The following CALD1 variants were observed in gnomAD, a reference collection of about 807,000 sequenced individuals.
CALD1 encodes caldesmon.
CALD1 carries 33 observed loss-of-function variants against 99.9 expected under a neutral mutation model. That is an observed-to-expected ratio of 0.33 (90% CI 0.25 to 0.44). The LOEUF (loss-of-function observed/expected upper bound fraction) is 0.44. Ranked by LOEUF, CALD1 falls within the 20% of genes least tolerant of loss-of-function variation. The pLI, the probability that CALD1 is intolerant of heterozygous loss-of-function variation, is 1.00. For missense variants in CALD1, 861 were observed against 962.1 expected (o/e 0.89, Z 1.39); for synonymous variants, 310 against 325.0 (o/e 0.95, Z 0.50).
intron 1 of CALD1, among the ~76,000 whole-genome samples, chr7:134,817,749 GT>G (rs1206750177): frequency 1.3e-5 from 2 of 152,124 alleles, no homozygotes; most frequent in East Asian, 1.9e-4. Flanking sequence ...TTGGTGCAAA[GT>G]TTTTAGAAAG....
chr7:134,866,046 C>T (rs3823569), intron 2 of CALD1, among the ~76,000 whole-genome samples: 47,150 of 151,986 alleles, frequency 0.31, 8,758 homozygotes, highest in African/African-American at 0.53. Context: ...AAGAGTCTAC[C>T]CTCCCACTGC....
intron 5 of CALD1, among the ~76,000 whole-genome samples, chr7:134,934,315 G>A (rs1442668156): frequency 6.6e-6 from 1 of 152,188 alleles, no homozygotes; most frequent in Admixed American, 6.5e-5. Context: ...AGAAGACAGA[G>A]AGAAATTAAT....
intron 9 of CALD1, among the ~76,000 whole-genome samples, chr7:134,954,951 G>A (rs1027662233): frequency 6.6e-6 from 1 of 152,136 alleles, no homozygotes; most frequent in African/African-American, 2.4e-5. Flanking sequence ...CAACACTACT[G>A]AAAAGCCTTC....
chr7:134,753,515 G>A (rs1796702823), intron 1 of CALD1, among the ~76,000 whole-genome samples: 1 of 152,126 alleles, frequency 6.6e-6, no homozygotes, highest in African/African-American at 2.4e-5. Context: ...GCTCCACCTA[G>A]GAAATGTTAG....
chr7:134,762,952 T>C (rs1037920947), intron 1 of CALD1, among the ~76,000 whole-genome samples: 1 of 152,196 alleles, frequency 6.6e-6, no homozygotes, highest in Non-Finnish European at 1.5e-5. Flanking sequence ...TAACATTTTG[T>C]GTGATATTAT....
intron 14 of CALD1, 95 bp downstream of exon 14, chr7:134,965,481 C>G (rs1452933484): frequency 2.7e-6 from 2 of 738,092 alleles, no homozygotes; most frequent in Non-Finnish European, 5.0e-6. Context: ...TATCACTGAC[C>G]TACAGATCTT....
rs1803465192 is a variant in CALD1 at position 134,907,340 on chromosome 7, T to C, written c.72-21414T>C. On this transcript the variant is annotated intron_variant, in intron 3 of 14. Coordinates refer to ENST00000361675, the MANE Select transcript of CALD1 (RefSeq NM_033138.4). Reference sequence around the variant, plus strand: ...GGTGATAAGAACTAAGATCAGAGCATAGTAGAGAAAGTAGCCCTGTAAACA... The same window carrying C: ...GGTGATAAGAACTAAGATCAGAGCACAGTAGAGAAAGTAGCCCTGTAAACA... 3.3e-5 allele frequency among the ~76,000 whole-genome samples: 5 copies of C among 151,660 alleles called. No individual in the cohort carries two copies. In the South Asian group the frequency reaches 8.3e-4, roughly 25 times the overall value.
At chr7:134,823,447 A>G (rs374924798) in intron 1 of CALD1, among the ~76,000 whole-genome samples, 5 of 152,084 alleles carry the variant, frequency 3.3e-5, no homozygotes, top group East Asian at 1.9e-4. Flanking sequence ...ATTTTTCCAC[A>G]TTTTACATGG....
At position 134,765,054 on chromosome 7, in the gene CALD1, C is replaced by T. The variant is rs143788704; in HGVS notation, c.-130+20691C>T. Among the ~76,000 whole-genome samples the T allele has an allele frequency of 1.4e-3, 218 of 152,278 alleles. 1 individual carries two copies. Among genetic ancestry groups the T allele is most frequent in the African/African-American group, 5.1e-3 (211 of 41,554 alleles). The stretch of plus-strand genomic sequence containing the variant: ...AGTTCAGGCTGGGCGCGGTGGCTCA[C>T]GCCTCTGATCCCAGTATTTTGGAAG... On this transcript the variant is annotated intron_variant, in intron 1 of 13. Transcript: ENST00000417172.
chr7:134,735,080 C>A, the CALD1 span: 1 of 196,768 alleles, frequency 5.1e-6, no homozygotes, highest in Non-Finnish European at 1.1e-5. Flanking sequence ...TGGCAGAGAA[C>A]CACTCCTGAA....
intron 1 of CALD1, among the ~76,000 whole-genome samples, chr7:134,801,838 C>G (rs891991643): frequency 2.0e-5 from 3 of 152,114 alleles, no homozygotes; most frequent in African/African-American, 7.2e-5. Context: ...AGGCTGGTCT[C>G]AAACTCCTGG....
chr7:134,767,492 T>C (rs1796837913), intron 1 of CALD1, among the ~76,000 whole-genome samples: 1 of 152,236 alleles, frequency 6.6e-6, no homozygotes, highest in Admixed American at 6.5e-5. Flanking sequence ...TGTTTTCTTA[T>C]TTGCGCCCCT....
chr7:134,959,084 A>C (rs915486581), intron 11 of CALD1, among the ~76,000 whole-genome samples: 5 of 151,732 alleles, frequency 3.3e-5, no homozygotes, highest in Non-Finnish European at 7.4e-5. Context: ...AATGTGAAAT[A>C]AATACTTGTA....
At chr7:134,944,647 A>G (rs956055252) in intron 7 of CALD1, 2 of 152,196 alleles carry the variant, frequency 1.3e-5, no homozygotes, top group African/African-American at 4.8e-5. Context: ...CATGTAGTAA[A>G]TGATGTTAGG....
chr7:134,784,454 G>T (rs1797229566), intron 1 of CALD1, among the ~76,000 whole-genome samples: 1 of 152,202 alleles, frequency 6.6e-6, no homozygotes, highest in Non-Finnish European at 1.5e-5. Context: ...GGGTCAGGAG[G>T]ACCAGTCTAA....
At chr7:134,800,988 C>A (rs1417589153) in intron 1 of CALD1, among the ~76,000 whole-genome samples, 3 of 151,980 alleles carry the variant, frequency 2.0e-5, no homozygotes, top group African/African-American at 4.8e-5. Flanking sequence ...ATGTATCTAA[C>A]CTACAGTATA....
At chr7:134,954,526 C>T (rs1037891980) in intron 9 of CALD1, among the ~76,000 whole-genome samples, 7 of 152,090 alleles carry the variant, frequency 4.6e-5, no homozygotes, top group African/African-American at 7.2e-5. Context: ...CATCAGTAAA[C>T]GGACAGTGCA....
At chr7:134,935,458 C>T (rs1043980724) in intron 5 of CALD1, among the ~76,000 whole-genome samples, 1 of 152,142 alleles carries the variant, frequency 6.6e-6, no homozygotes, top group Non-Finnish European at 1.5e-5. Context: ...AGGAGTGCCA[C>T]ATCATGCTAG....
chr7:134,764,599 G>T (rs1254331692), intron 1 of CALD1, among the ~76,000 whole-genome samples: 1 of 152,134 alleles, frequency 6.6e-6, no homozygotes, highest in Non-Finnish European at 1.5e-5. Flanking sequence ...AATCTAGTTA[G>T]GGAAACAGGA....
Sources: gnomAD v4.1 joint callset for allele counts (sites outside exome capture counted in the v4.1 genomes callset) on GRCh38, gnomAD v4.1.1 for gene constraint, MANE v1.5 for transcripts, NCBI Gene and HGNC (gene_info 2026-07-23, HGNC 2026-07-21) for gene names.